Variants in KIAA1671 observed in about 807,000 individuals in gnomAD.
KIAA1671 encodes uncharacterized protein KIAA1671.
In KIAA1671, 52 loss-of-function variants were observed where a neutral mutation model predicts 131.2. The observed-to-expected ratio is 0.40, with a 90% CI of 0.32 to 0.50. KIAA1671 has a LOEUF of 0.50. Among genes scored for constraint, KIAA1671 ranks in the 20% least tolerant of loss-of-function variants. KIAA1671 has a pLI of 0.73. For missense variants in KIAA1671, 2,360 were observed against 2,364.2 expected (o/e 1.00, Z 0.04); for synonymous variants, 1,003 against 961.6 (o/e 1.04, Z -0.80).
intron 1 of KIAA1671, among the ~76,000 whole-genome samples, chr22:24,982,834 G>T (rs1923305673): frequency 6.6e-6 from 1 of 152,200 alleles, no homozygotes. Flanking sequence ...CCAAGTCCTT[G>T]CAGGATGAGT....
rs868831402 is a variant in KIAA1671 at position 25,174,434 on chromosome 22, C to T, written c.4844C>T (p.Pro1615Leu). The change falls in exon 8 of 13, where the codon CCG becomes CTG. Residue 1615 changes from proline (P) to leucine (L), a missense_variant. Physicochemically the swap from Pro to Leu is moderately conservative, Grantham distance 98. Coordinates refer to ENST00000358431, the MANE Select transcript of KIAA1671 (RefSeq NM_001145206.2). The stretch of plus-strand genomic sequence containing the variant: ...GAATCCACCGATGGGATGGAGGGGC[C>T]GCCTCCACCGGACGCCTGCCCTGAA... ...DLESTDGMEGPPPPDACPEKR... is the reference protein window; with the variant it reads ...DLESTDGMEGLPPPDACPEKR... 4 of 1,547,670 alleles carry T rather than the reference C, an allele frequency of 2.6e-6. No individual in the cohort carries two copies. The highest frequency in any genetic ancestry group is 2.0e-5 in the Admixed American group (1 of 50,854).
At chr22:25,102,229 T>G (rs1455991216) in intron 6 of KIAA1671, among the ~76,000 whole-genome samples, 1 of 152,124 alleles carries the variant, frequency 6.6e-6, no homozygotes, top group Non-Finnish European at 1.5e-5. Context: ...CTAGGAGATA[T>G]CAGAGAGGGC....
In KIAA1671 at chr22:24,969,908, A is replaced by G. The variant is rs16979350; in HGVS notation, c.-208+17136A>G. On this transcript the variant is annotated intron_variant, in intron 1 of 12. Transcript: ENST00000358431. ...GTTTAGAGAGGGGCCCCTTCTATGGATGCTGTAATTGATAAGTAGTGGATT... is the reference window on the plus strand; with the variant it reads ...GTTTAGAGAGGGGCCCCTTCTATGGGTGCTGTAATTGATAAGTAGTGGATT... 4.0e-3 allele frequency among the ~76,000 whole-genome samples: 604 copies of G among 152,250 alleles called. 21 individuals carry two copies. The East Asian group carries it at 0.079, about 20-fold the overall frequency.
chr22:25,067,706 T>A (rs1389701293), intron 6 of KIAA1671, among the ~76,000 whole-genome samples: 1 of 152,126 alleles, frequency 6.6e-6, no homozygotes, highest in Non-Finnish European at 1.5e-5. Context: ...CCCCTTTCTC[T>A]CCGGGCATTT....
At chr22:25,081,107 G>T (rs989833109) in intron 6 of KIAA1671, among the ~76,000 whole-genome samples, 2 of 152,216 alleles carry the variant, frequency 1.3e-5, no homozygotes, top group Non-Finnish European at 2.9e-5. Context: ...GCTTGGGAGG[G>T]CTGGACATGT....
intron 2 of KIAA1671, 30 bp from the exon 3 acceptor site, chr22:25,027,915 T>C: frequency 9.0e-7 from 1 of 1,110,318 alleles, no homozygotes; most frequent in Non-Finnish European, 1.3e-6. Flanking sequence ...GTTTTCCAAA[T>C]TTACTTGTTT....
chr22:25,077,168 A>G (rs1929156883), intron 6 of KIAA1671, among the ~76,000 whole-genome samples: 1 of 152,180 alleles, frequency 6.6e-6, no homozygotes, highest in Non-Finnish European at 1.5e-5. Context: ...GCACTAGGCG[A>G]GGCGGGGCTC....
intron 1 of KIAA1671, among the ~76,000 whole-genome samples, chr22:24,966,553 A>C (rs1033732251): frequency 6.6e-6 from 1 of 152,202 alleles, no homozygotes; most frequent in Non-Finnish European, 1.5e-5. Flanking sequence ...CCAGCACTGG[A>C]AAGTGCTTGT....
At chr22:25,090,593 C>T (rs1369604709) in intron 6 of KIAA1671, among the ~76,000 whole-genome samples, 2 of 152,276 alleles carry the variant, frequency 1.3e-5, no homozygotes, top group Admixed American at 1.3e-4. Context: ...GAGAAACAGC[C>T]AGGGGCTGGC....
At chr22:25,123,391 A>G (rs1932036725) in intron 6 of KIAA1671, among the ~76,000 whole-genome samples, 1 of 151,924 alleles carries the variant, frequency 6.6e-6, no homozygotes, top group Admixed American at 6.6e-5. Flanking sequence ...ATGGGGTTTC[A>G]TCGTGTTAAC....
intron 6 of KIAA1671, among the ~76,000 whole-genome samples, chr22:25,133,518 T>C (rs1222922662): frequency 6.6e-6 from 1 of 152,206 alleles, no homozygotes; most frequent in African/African-American, 2.4e-5. Context: ...ATATAGTCAA[T>C]GTTAGTTCCT....
intron 1 of KIAA1671, among the ~76,000 whole-genome samples, chr22:25,022,066 G>C (rs1602073796): frequency 6.6e-6 from 1 of 151,876 alleles, no homozygotes; most frequent in South Asian, 2.1e-4. Flanking sequence ...GAGCCACCGT[G>C]CCTGGCCCCG....
rs1455591643 is a variant in KIAA1671 at position 25,194,504 on chromosome 22, T to C, written c.*2103T>C. 6.6e-6 allele frequency: 1 copy of C among 152,220 alleles called. No individual in the cohort carries two copies. Among genetic ancestry groups the C allele is most frequent in the Non-Finnish European group, 1.5e-5 (1 of 68,042 alleles). The allele number at this position is 152,220 out of a possible 1,614,324, so 9.4% of individuals were successfully genotyped here. A position where few individuals can be genotyped will look rare whatever the true frequency, so the allele number is the denominator to read the frequency against. On this transcript the variant is annotated 3_prime_UTR_variant, in exon 13 of 13. Coordinates refer to ENST00000358431, the MANE Select transcript of KIAA1671 (RefSeq NM_001145206.2). ...AAGGACCTGCTCTTACATATATTGA[T>C]GGTCCTCATGCAAAACTCTCAATTC...
Position 25,039,167 on chromosome 22 carries a change from C to T in KIAA1671, c.2037C>T (p.Pro679=), listed in dbSNP as rs1020157428. 418 of 1,551,842 alleles carry T rather than the reference C, an allele frequency of 2.7e-4. 1 individual carries two copies. The African/African-American group carries it at 2.8e-3, about 10-fold the overall frequency. The change falls in exon 5 of 13, where the codon CCC becomes CCT. Residue 679 remains proline, a synonymous_variant. Transcript: ENST00000358431. ...KKENSRGFDN[P]ETEKLGPTTL... ...AGAACTCCAGAGGGTTTGACAATCC[C>T]GAGACGGAGAAATTGGGACCAACCA...
At chr22:25,130,785 C>T (rs1932410272) in intron 6 of KIAA1671, among the ~76,000 whole-genome samples, 2 of 152,158 alleles carry the variant, frequency 1.3e-5, no homozygotes, top group Non-Finnish European at 2.9e-5. Flanking sequence ...CCCTCGAAGC[C>T]TGTCCCTCCT....
chr22:25,092,240 G>A (rs1930059869), intron 6 of KIAA1671, among the ~76,000 whole-genome samples: 1 of 152,192 alleles, frequency 6.6e-6, no homozygotes, highest in South Asian at 2.1e-4. Flanking sequence ...GGGAGGAAGC[G>A]TGACTGGAAT....
intron 1 of KIAA1671, chr22:25,013,131 C>G (rs1925124357): frequency 6.6e-6 from 1 of 152,130 alleles, no homozygotes; most frequent in Admixed American, 6.6e-5. Context: ...TGAATCAAGT[C>G]AATTGCCCTG....
At chr22:25,093,738 C>CTCTCTCTT (rs1930165519) in intron 6 of KIAA1671, among the ~76,000 whole-genome samples, 1 of 88,942 alleles carries the variant, frequency 1.1e-5, no homozygotes, top group Non-Finnish European at 2.3e-5. Flanking sequence ...CACACACACA[C>CTCTCTCTT]TCTCTCTCTC....
In KIAA1671 at chr22:25,029,332, C is replaced by T. The variant is rs1345179135; in HGVS notation, c.1333C>T (p.Arg445Trp). 2.9e-5 allele frequency: 45 copies of T among 1,546,716 alleles called. No individual in the cohort carries two copies. The highest frequency in any genetic ancestry group is 7.3e-5 in the East Asian group (3 of 40,866). ...TGTCAGGAAGTGCATCAGCCTGTTTCGGGAGGACAGCACCTTGGCCTTGGC... is the reference window on the plus strand; with the variant it reads ...TGTCAGGAAGTGCATCAGCCTGTTTTGGGAGGACAGCACCTTGGCCTTGGC... ...RSVRKCISLFREDSTLALAVG... is the reference protein window; with the variant it reads ...RSVRKCISLFWEDSTLALAVG... The change falls in exon 3 of 13, where the codon CGG (arginine) becomes TGG (tryptophan). Residue 445 changes from arginine (R) to tryptophan (W), a missense_variant. Physicochemically the swap from Arg to Trp is moderately radical, Grantham distance 101 (BLOSUM62 -3). Coordinates refer to ENST00000358431, the MANE Select transcript of KIAA1671 (RefSeq NM_001145206.2).
Sources: allele counts gnomAD v4.1 joint callset (sites outside exome capture counted in the v4.1 genomes callset), GRCh38; gene constraint gnomAD v4.1.1; transcripts MANE v1.5; gene names NCBI Gene and HGNC (gene_info 2026-07-23, HGNC 2026-07-21).